CENPC: variants seen among roughly 807,000 people sequenced by gnomAD.
CENPC encodes the protein centromere protein C.
CENPC carries 63 observed loss-of-function variants against 112.1 expected under a neutral mutation model. The ratio of observed to expected loss-of-function variants is 0.56; its 90% CI spans 0.46 to 0.69. The LOEUF (loss-of-function observed/expected upper bound fraction) is 0.69. Ranked by LOEUF, CENPC falls within the 30% of genes least tolerant of loss-of-function variation. The pLI, the probability that CENPC is intolerant of heterozygous loss-of-function variation, is 0.00. For missense variants in CENPC, 1,000 were observed against 1,103.8 expected (o/e 0.91, Z 1.33); for synonymous variants, 333 against 367.6 (o/e 0.91, Z 1.08).
chr4:67,505,467 G>T (rs1725708065), intron 11 of CENPC, among the ~76,000 whole-genome samples, 183 bp from the exon 12 acceptor site: 1 of 152,038 alleles, frequency 6.6e-6, no homozygotes, highest in Admixed American at 6.6e-5. Flanking sequence ...TTGATTCCAG[G>T]ATCCACTGTG....
intron 9 of CENPC, among the ~76,000 whole-genome samples, chr4:67,510,465 T>A (rs1210195662): frequency 1.3e-5 from 2 of 152,196 alleles, no homozygotes; most frequent in Non-Finnish European, 2.9e-5. Context: ...AATTGATTGG[T>A]ATTTTATCTA....
Position 67,505,281 on chromosome 4 carries a change from T to C in CENPC, c.2055A>G (p.Gly685=), listed in dbSNP as rs965797098. 15 of 1,544,154 alleles carry C rather than the reference T, an allele frequency of 9.7e-6. No homozygotes were observed. The African/African-American group carries it at 1.9e-4, about 20-fold the overall frequency. The stretch of plus-strand genomic sequence containing the variant: ...AATAATTATTATTGAGCCTGGAAGG[T>C]CCACTTAAGAAAAAAAGGAAACCAC... ...EHKTSVLEES[G]PSRLNNNYLM... The change falls in exon 12 of 19, where the codon GGA becomes GGG. Residue 685 remains glycine, a synonymous_variant. Transcript: ENST00000273853.
At chr4:67,505,940 A>G (rs1010472150) in intron 11 of CENPC, among the ~76,000 whole-genome samples, 8 of 152,208 alleles carry the variant, frequency 5.3e-5, no homozygotes, top group African/African-American at 1.9e-4. Flanking sequence ...TTTAATTAAA[A>G]AAAAATATAG....
At chr4:67,495,321 C>G (rs1288379398) in intron 12 of CENPC, 109 bp from the exon 13 acceptor site, 1 of 1,022,642 alleles carries the variant, frequency 9.8e-7, no homozygotes, top group East Asian at 3.0e-5. Context: ...AAAGTTTGAC[C>G]TGATAATGTA....
At chr4:67,512,607 A>G in intron 8 of CENPC, 38 bp from the exon 9 acceptor site, 2 of 1,383,932 alleles carry the variant, frequency 1.4e-6, no homozygotes, top group Non-Finnish European at 1.9e-6. Flanking sequence ...TTCACAATCT[A>G]CTAAAAGAGT....
chr4:67,508,744 G>T, intron 10 of CENPC, 70 bp downstream of exon 10: 2 of 1,424,074 alleles, frequency 1.4e-6, no homozygotes, highest in South Asian at 1.3e-5. Context: ...GTCCATAAAT[G>T]ACTAAATAGC....
intron 13 of CENPC, 88 bp from the exon 14 acceptor site, chr4:67,494,076 G>T: frequency 1.7e-6 from 1 of 604,008 alleles, no homozygotes. Flanking sequence ...GAACATGAAA[G>T]CTTTATTTTT....
intron 17 of CENPC, among the ~76,000 whole-genome samples, chr4:67,485,423 G>C (rs1725068794): frequency 6.6e-6 from 1 of 152,024 alleles, no homozygotes; most frequent in African/African-American, 2.4e-5. Flanking sequence ...TTCAGCCATT[G>C]TTAGAAATTA....
chr4:67,522,962 T>G (rs898285661), intron 5 of CENPC, among the ~76,000 whole-genome samples: 4 of 151,732 alleles, frequency 2.6e-5, no homozygotes, highest in Admixed American at 6.6e-5. Context: ...ATTGTGCCAT[T>G]GCACTCCAGC....
At chr4:67,489,499 ATTG>A (rs1725182089) in intron 17 of CENPC, among the ~76,000 whole-genome samples, 1 of 151,982 alleles carries the variant, frequency 6.6e-6, no homozygotes, top group African/African-American at 2.4e-5. Flanking sequence ...TTACTGTTTT[ATTG>A]ATATATAAAA....
chr4:67,498,201 C>T (rs1725494182), intron 12 of CENPC, among the ~76,000 whole-genome samples: 1 of 152,188 alleles, frequency 6.6e-6, no homozygotes, highest in African/African-American at 2.4e-5. Flanking sequence ...CACCACTGCA[C>T]TCCAGCCTGG....
In CENPC at chr4:67,519,231, A is replaced by C; in HGVS notation, c.603T>G (p.Val201=). 6.5e-7 allele frequency: 1 copy of C among 1,528,306 alleles called. No individual in the cohort carries two copies. The highest frequency in any genetic ancestry group is 1.9e-4 in the Middle Eastern group (1 of 5,274). The allele number at this position is 1,528,306 out of a possible 1,614,324, so 94.7% of individuals were successfully genotyped here. A position where few individuals can be genotyped will look rare whatever the true frequency, so the allele number is the denominator to read the frequency against. Residue 201 remains valine (V), a synonymous_variant, in exon 6 of 19, where the codon GTT becomes GTG. Transcript: ENST00000273853. ...NMLPSSTEVS[V]KTKKRLNFDD... is the part of the protein sequence containing the mutation. Reference sequence around the variant, plus strand: ...TAAAATGTTACCTTTTTTTGGTTTTAACTGAAACCTCTGTACTTGAAGGCA... The same window carrying C: ...TAAAATGTTACCTTTTTTTGGTTTTCACTGAAACCTCTGTACTTGAAGGCA...
At chr4:67,495,609 A>G (rs574629139) in intron 12 of CENPC, among the ~76,000 whole-genome samples, 25 of 152,282 alleles carry the variant, frequency 1.6e-4, no homozygotes, top group Non-Finnish European at 3.1e-4. Flanking sequence ...GCTCCCTTGG[A>G]CACCCCTGGT....
intron 2 of CENPC, among the ~76,000 whole-genome samples, chr4:67,542,991 T>C (rs1726930000): frequency 6.6e-6 from 1 of 152,202 alleles, no homozygotes; most frequent in African/African-American, 2.4e-5. Context: ...TTTGTCATTA[T>C]TACCTTAGCA....
At chr4:67,491,828 G>A (rs921075559) in intron 16 of CENPC, among the ~76,000 whole-genome samples, 2 of 152,034 alleles carry the variant, frequency 1.3e-5, no homozygotes, top group African/African-American at 4.8e-5. Flanking sequence ...GCGTATCCTT[G>A]AGTCTGCCAA....
chr4:67,509,286 T>C (rs1346349544), intron 9 of CENPC, among the ~76,000 whole-genome samples, 181 bp from the exon 10 acceptor site: 2 of 150,584 alleles, frequency 1.3e-5, no homozygotes, highest in East Asian at 2.0e-4. Context: ...CCAAATTAAA[T>C]TCTTTAAACA....
rs2109765607 is a variant in CENPC at position 67,482,403 on chromosome 4, T to TA, written c.2671-7426dup. Reference sequence around the variant, plus strand: ...TCCAGCAATCCCACTACTGGGTACCTACTCAGAAGAAAAGTGAGTCATTAT... The same window carrying TA: ...TCCAGCAATCCCACTACTGGGTACCTAACTCAGAAGAAAAGTGAGTCATTAT... On this transcript the variant is annotated intron_variant, in intron 17 of 18. Coordinates refer to ENST00000273853, the MANE Select transcript of CENPC (RefSeq NM_001812.4). Among the ~76,000 whole-genome samples the TA allele has an allele frequency of 1.3e-5, 2 of 152,336 alleles. 1 individual carries two copies. Among genetic ancestry groups the TA allele is most frequent in the South Asian group, 4.1e-4 (2 of 4,820 alleles).
intron 7 of CENPC, 72 bp downstream of exon 7, chr4:67,518,084 T>C: frequency 1.3e-6 from 1 of 795,158 alleles, no homozygotes. Flanking sequence ...TAAATAGCAT[T>C]AGGAATCCTT....
At chr4:67,504,945 C>G (rs1037026140) in intron 12 of CENPC, 9 of 445,108 alleles carry the variant, frequency 2.0e-5, no homozygotes, top group Non-Finnish European at 2.8e-5. Flanking sequence ...CATGTATACC[C>G]TTATTAGCTT....
Sources: gnomAD v4.1 joint callset for allele counts (sites outside exome capture counted in the v4.1 genomes callset) on GRCh38, gnomAD v4.1.1 for gene constraint, MANE v1.5 for transcripts, NCBI Gene and HGNC (gene_info 2026-07-23, HGNC 2026-07-21) for gene names.